MAP1S: variants seen among roughly 807,000 people sequenced by gnomAD.
The protein encoded by MAP1S is microtubule-associated protein 1S.
A neutral mutation model predicts 60.9 loss-of-function variants in MAP1S; 27 were observed. The ratio of observed to expected loss-of-function variants is 0.44; its 90% CI spans 0.33 to 0.61. The LOEUF (loss-of-function observed/expected upper bound fraction) is 0.61, where lower values mean the gene tolerates loss of function less well. Among genes scored for constraint, MAP1S ranks in the 20% least tolerant of loss-of-function variants. The pLI, the probability that MAP1S is intolerant of heterozygous loss-of-function variation, is 0.03. For synonymous variants in MAP1S, 826 were observed against 694.2 expected (o/e 1.19, Z -2.98); for missense variants, 1,608 against 1,486.6 (o/e 1.08, Z -1.34).
rs1401434210 is a variant in MAP1S, at chr19:17,726,368, G to A, written c.984G>A (p.Arg328=). ...GCTCCTGGGACGACAGGCTGCGCAG[G>A]CTCATCTCCCCCAACCTGGGGGTCG... The part of the protein sequence containing the change: ...GGGSWDDRLR[R]LISPNLGVVF... The change falls in exon 5 of 7, where the codon AGG becomes AGA. Residue 328 remains arginine (R), a synonymous_variant. Coordinates refer to ENST00000324096, the MANE Select transcript of MAP1S (RefSeq NM_018174.6). 1 of 1,597,260 alleles carries A rather than the reference G, an allele frequency of 6.3e-7. No individual in the cohort carries two copies. The highest frequency in any genetic ancestry group is 8.5e-7 in the Non-Finnish European group (1 of 1,177,710).
rs766560592 is a variant in MAP1S, at chr19:17,722,753, A to AAGAG, written c.221-1360_221-1357dup. Among the ~76,000 whole-genome samples the AAGAG allele has an allele frequency of 4.0e-5, 5 of 125,722 alleles. No individual in the cohort carries two copies. In the East Asian group the frequency reaches 1.3e-3, roughly 32 times the overall value. The allele number at this position is 125,722 out of a possible 152,430, so 82.5% of individuals were successfully genotyped here. ...AATAGAGGGAGATTCCATCTCAAAA[A>AAGAG]AGAGAGAGAGAGAGAGGGAGGGAGG... On this transcript the variant is annotated intron_variant, in intron 2 of 6. Coordinates refer to ENST00000324096, the MANE Select transcript of MAP1S (RefSeq NM_018174.6).
intron 5 of MAP1S, among the ~76,000 whole-genome samples, chr19:17,731,084 G>A (rs2080489678): frequency 6.6e-6 from 1 of 151,734 alleles, no homozygotes; most frequent in African/African-American, 2.4e-5. Flanking sequence ...TAGTAGACAC[G>A]GGGTTTCACC....
chr19:17,724,104 G>A, intron 2 of MAP1S, 22 bp from the exon 3 acceptor site: 1 of 1,602,604 alleles, frequency 6.2e-7, no homozygotes, highest in Non-Finnish European at 8.5e-7. Context: ...TTTGACTCCG[G>A]GACGGCCTGA....
rs755282463 is a variant in MAP1S, at chr19:17,728,011, C to G, written c.2627C>G (p.Pro876Arg). ...CGCCCCAACTCACGCGCTGCCGCCC[C>G]CAAAGCCACTCCAGTGGCTGCTGCC... ...LARPNSRAAA[P>R]KATPVAAAKT... The change falls in exon 5 of 7, where the codon CCC becomes CGC. Residue 876 changes from proline to arginine, a missense_variant. Physicochemically the swap from Pro to Arg is moderately radical, Grantham distance 103 (BLOSUM62 -2). Coordinates refer to ENST00000324096, the MANE Select transcript of MAP1S (RefSeq NM_018174.6). 3.1e-5 allele frequency: 50 copies of G among 1,611,924 alleles called. 1 individual carries two copies. In the South Asian group the frequency reaches 5.4e-4, roughly 17 times the overall value.
rs988136986 is a variant in MAP1S, at chr19:17,721,994, G to A, written c.220+957G>A. ...GGCTGCTGCTGGAGAGGAAGGAAGTGTCTGTAGTCTCATTGTCCCAGTTGG... is the reference window on the plus strand; with the variant it reads ...GGCTGCTGCTGGAGAGGAAGGAAGTATCTGTAGTCTCATTGTCCCAGTTGG... On this transcript the variant is annotated intron_variant, in intron 2 of 6. Transcript: ENST00000324096. Among the ~76,000 whole-genome samples the A allele has an allele frequency of 2.6e-4, 39 of 152,278 alleles. 1 individual carries two copies. Among genetic ancestry groups the A allele is most frequent in the African/African-American group, 9.1e-4 (38 of 41,564 alleles).
chr19:17,726,098 G>A lies in MAP1S; in HGVS notation c.714G>A (p.Leu238=). Residue 238 remains leucine (L), a synonymous_variant, in exon 5 of 7, where the codon CTG becomes CTA. Transcript: ENST00000324096. ...CGACCTCCGGGGGCTTCCTCAGGCT[G>A]GGCCGGCCCTGCTGCTACATCTTCC... is the stretch of plus-strand genomic sequence containing the variant. ...EPPTSGGFLR[L]GRPCCYIFPG... is the part of the protein sequence containing the mutation. 1 of 1,613,866 alleles carries A rather than the reference G, an allele frequency of 6.2e-7. No individual in the cohort carries two copies. The highest frequency in any genetic ancestry group is 8.5e-7 in the Non-Finnish European group (1 of 1,179,948).
At position 17,726,084 on chromosome 19, in the gene MAP1S, G is replaced by T; in HGVS notation, c.700G>T (p.Gly234Cys). The T allele has an allele frequency of 6.2e-7, 1 of 1,613,820 alleles. No homozygotes were observed. The change falls in exon 5 of 7, where the codon GGC becomes TGC. Residue 234 changes from glycine to cysteine, a missense_variant. Around this residue, in one of 4 missense-constraint regions of MAP1S, gnomAD observed 320 missense variants for 393.1 expected, o/e 0.81. Coordinates refer to ENST00000324096, the MANE Select transcript of MAP1S (RefSeq NM_018174.6). Reference protein sequence around the residue: ...FELLEPPTSGGFLRLGRPCCY... With the variant: ...FELLEPPTSGCFLRLGRPCCY... ...GCTGCTGGAGCCCCCGACCTCCGGG[G>T]GCTTCCTCAGGCTGGGCCGGCCCTG...
rs990125743 is a variant in MAP1S, at chr19:17,725,069, C to T, written c.324C>T (p.Asp108=). 3 of 1,614,160 alleles carry T rather than the reference C, an allele frequency of 1.9e-6. No homozygotes were observed. The highest frequency in any genetic ancestry group is 1.7e-6 in the Non-Finnish European group (2 of 1,180,030). ...LYDELRNLLL[D]PASHKLLVLA... Reference sequence around the variant, plus strand: ...CTCAGCTCCGGAACCTTCTGTTGGACCCTGCCTCTCACAAGCTACTGGTGT... The same window carrying T: ...CTCAGCTCCGGAACCTTCTGTTGGATCCTGCCTCTCACAAGCTACTGGTGT... The change falls in exon 4 of 7, where the codon GAC becomes GAT. Residue 108 remains aspartate (D), a synonymous_variant. Coordinates refer to ENST00000324096, the MANE Select transcript of MAP1S (RefSeq NM_018174.6). The surrounding 1 kb of genome is among the most constrained non-coding windows in gnomAD (Gnocchi z 4.2).
chr19:17,730,482 A>G (rs1291136631), intron 5 of MAP1S, among the ~76,000 whole-genome samples: 1 of 151,762 alleles, frequency 6.6e-6, no homozygotes, highest in African/African-American at 2.4e-5. Context: ...TGCCTGGCCA[A>G]TTGTTTAATG....
chr19:17,734,421 AGTTC>A lies in MAP1S; in HGVS notation c.3174_3177del (p.Glu1058AspfsTer27). The A allele has an allele frequency of 6.2e-7, 1 of 1,610,384 alleles. No homozygotes were observed. Among genetic ancestry groups the A allele is most frequent in the Non-Finnish European group, 8.5e-7 (1 of 1,178,498 alleles). On this transcript the variant is annotated frameshift_variant, in exon 7 of 7. Transcript: ENST00000324096. LOFTEE classifies it high-confidence loss of function. ...GACGCCTTCCCGGCCTGCAAGGTGG[AGTTC>A]TAGCCCCATCGCCGACACGCCCCCC...
chr19:17,724,067 C>A, intron 2 of MAP1S, 59 bp from the exon 3 acceptor site: 1 of 1,391,502 alleles, frequency 7.2e-7, no homozygotes, highest in South Asian at 1.2e-5. Context: ...GGTTCATGTT[C>A]CCTGAGGGTC....
In MAP1S at chr19:17,725,755, C is replaced by T; in HGVS notation, c.445-74C>T. The T allele has an allele frequency of 6.9e-7, 1 of 1,458,208 alleles. No homozygotes were observed. The highest frequency in any genetic ancestry group is 2.0e-5 in the Admixed American group (1 of 49,102). The allele number at this position is 1,458,208 out of a possible 1,614,324, so 90.3% of individuals were successfully genotyped here. On this transcript the variant is annotated intron_variant, in intron 4 of 6. Coordinates refer to ENST00000324096, the MANE Select transcript of MAP1S (RefSeq NM_018174.6). The surrounding 1 kb of genome is among the most constrained non-coding windows in gnomAD (Gnocchi z 4.2). Reference sequence around the variant, plus strand: ...GCCCTGGGGGAAAGGATGAGGGTGTCCTCGCCCAGTTTTCCCACCGGGCTA... The same window carrying T: ...GCCCTGGGGGAAAGGATGAGGGTGTTCTCGCCCAGTTTTCCCACCGGGCTA...
chr19:17,720,040 TA>T (rs1161688966), intron 1 of MAP1S: 1 of 841,880 alleles, frequency 1.2e-6, no homozygotes, highest in African/African-American at 1.8e-5. Flanking sequence ...GAGAAGCAGA[TA>T]TGGGGGAGGC....
intron 5 of MAP1S, among the ~76,000 whole-genome samples, chr19:17,731,515 G>C (rs2080493202): frequency 6.6e-6 from 1 of 152,158 alleles, no homozygotes; most frequent in Admixed American, 6.6e-5. Context: ...TAGCTTTGTA[G>C]TAAGTTTTGA....
chr19:17,726,962 G>A lies in MAP1S; in HGVS notation c.1578G>A (p.Lys526=), dbSNP rs2080434350. The A allele has an allele frequency of 6.4e-7, 1 of 1,574,324 alleles. No individual in the cohort carries two copies. The highest frequency in any genetic ancestry group is 8.6e-7 in the Non-Finnish European group (1 of 1,160,734). The change falls in exon 5 of 7, where the codon AAG becomes AAA. Residue 526 remains lysine (K), a synonymous_variant. Coordinates refer to ENST00000324096, the MANE Select transcript of MAP1S (RefSeq NM_018174.6). The part of the protein sequence containing the change: ...EKEAKTPREL[K]KDPKPSVSRT... ...AAGCCAAGACCCCCCGGGAGTTGAA[G>A]AAAGACCCCAAACCGAGTGTCTCCC...
intron 5 of MAP1S, among the ~76,000 whole-genome samples, chr19:17,731,436 G>C (rs971149310): frequency 6.6e-6 from 1 of 152,094 alleles, no homozygotes; most frequent in African/African-American, 2.4e-5. Context: ...ATTTATTTCC[G>C]GGCCTCTATT....
At chr19:17,720,557 C>T (rs892876192) in intron 1 of MAP1S, 2 of 1,442,178 alleles carry the variant, frequency 1.4e-6, no homozygotes, top group Admixed American at 5.3e-5. Flanking sequence ...CCCGAAGGTG[C>T]TGAGGGGGAA....
Position 17,727,162 on chromosome 19 carries a change from C to G in MAP1S, c.1778C>G (p.Pro593Arg), listed in dbSNP as rs778744196. The change falls in exon 5 of 7, where the codon CCC becomes CGC. Residue 593 changes from proline (P) to arginine (R), a missense_variant. Coordinates refer to ENST00000324096, the MANE Select transcript of MAP1S (RefSeq NM_018174.6). The surrounding 1 kb of genome is among the most constrained non-coding windows in gnomAD (Gnocchi z 4.1). ...AGCCTCCGATGTGGAGAAGCCAGCC[C>G]CCCCAGTGCAGCCTGCGGCTCTCCG... is the stretch of plus-strand genomic sequence containing the variant. ...PPSLRCGEAS[P>R]PSAACGSPAS... is the part of the protein sequence containing the mutation. 37 of 1,588,114 alleles carry G rather than the reference C, an allele frequency of 2.3e-5. No individual in the cohort carries two copies. Among genetic ancestry groups the G allele is most frequent in the Middle Eastern group, 3.3e-4 (2 of 6,052 alleles).
chr19:17,730,569 G>T (rs2080484383), intron 5 of MAP1S, among the ~76,000 whole-genome samples: 1 of 152,176 alleles, frequency 6.6e-6, no homozygotes, highest in African/African-American at 2.4e-5. Flanking sequence ...TCTCGCCTTG[G>T]CCTCCCAAAC....
Sources: gnomAD v4.1 joint callset for allele counts (sites outside exome capture counted in the v4.1 genomes callset) on GRCh38, gnomAD v4.1.1 for gene constraint, gnomAD v4.1.1 regional missense constraint, Gnocchi (gnomAD v3.1) non-coding constraint, MANE v1.5 for transcripts, NCBI Gene and HGNC (gene_info 2026-07-23, HGNC 2026-07-21) for gene names.